Variants in ARRB1 observed in about 807,000 individuals in gnomAD.
ARRB1 encodes the protein arrestin beta 1.
Under a neutral mutation model 56.8 loss-of-function variants are expected in ARRB1, and 21 were observed. The observed-to-expected ratio is 0.37, with a 90% CI of 0.26 to 0.53. The LOEUF (loss-of-function observed/expected upper bound fraction) is 0.53. ARRB1 is among the 20% of genes least tolerant of loss of function. The pLI is 0.88. For missense variants in ARRB1, 424 were observed against 553.7 expected (o/e 0.77, Z 2.35); for synonymous variants, 210 against 218.6 (o/e 0.96, Z 0.35).
intron 1 of ARRB1, among the ~76,000 whole-genome samples, chr11:75,325,663 C>T (rs1947419720): frequency 6.6e-6 from 1 of 152,210 alleles, no homozygotes; most frequent in Non-Finnish European, 1.5e-5. Flanking sequence ...AGGCATGACA[C>T]TTTAAGCCCA....
Position 75,267,156 on chromosome 11 carries a change from G to T in ARRB1, c.1145+496C>A, listed in dbSNP as rs757030984. ...AAGAAAGCCACTTGGACCTGGAGGC[G>T]GTCCGCGCAGTCGGCCCAGGTCCTC... On this transcript the variant is annotated intron_variant, in intron 15 of 15. Transcript: ENST00000420843. Among the ~76,000 whole-genome samples, 49 of 152,208 alleles carry T rather than the reference G, an allele frequency of 3.2e-4. 1 individual carries two copies. Among genetic ancestry groups the T allele is most frequent in the Non-Finnish European group, 1.5e-5 (1 of 68,040 alleles).
At chr11:75,307,551 G>A (rs1054084849) in intron 1 of ARRB1, among the ~76,000 whole-genome samples, 1 of 152,140 alleles carries the variant, frequency 6.6e-6, no homozygotes, top group African/African-American at 2.4e-5. Context: ...GAGTGTCCTG[G>A]AGGACAGGGC....
rs1946567959 is a variant in ARRB1, at chr11:75,290,027, C to T, written c.33G>A (p.Lys11=). 1 of 1,614,114 alleles carries T rather than the reference C, an allele frequency of 6.2e-7. No individual in the cohort carries two copies. The highest frequency in any genetic ancestry group is 1.1e-5 in the South Asian group (1 of 91,090). ...GACTCACCTTTCCATTTGGACTGGC[C>T]TTCTTGAACACTCTGTGGAGAGAAA... The part of the protein sequence containing the change: MGDKGTRVFK[K]ASPNGKLTVY... Residue 11 remains lysine (K), a synonymous_variant, in exon 2 of 16, where the codon AAG becomes AAA. Transcript: ENST00000420843.
At chr11:75,348,189 C>A (rs1004127406) in intron 1 of ARRB1, among the ~76,000 whole-genome samples, 2 of 152,228 alleles carry the variant, frequency 1.3e-5, no homozygotes, top group Non-Finnish European at 2.9e-5. Context: ...GCCCAGGCCC[C>A]AGGCTGCACG....
intron 1 of ARRB1, among the ~76,000 whole-genome samples, chr11:75,350,450 G>A (rs1402940212): frequency 6.6e-6 from 1 of 152,216 alleles, no homozygotes; most frequent in Non-Finnish European, 1.5e-5. Context: ...GGAGCCCAGG[G>A]AGAGGCTGCT....
chr11:75,319,190 G>A (rs985551948), intron 1 of ARRB1, among the ~76,000 whole-genome samples: 29 of 152,036 alleles, frequency 1.9e-4, no homozygotes, highest in African/African-American at 5.3e-4. Context: ...TAACCTGCTC[G>A]CCCAGGGGAG....
intron 3 of ARRB1, among the ~76,000 whole-genome samples, chr11:75,285,568 G>A (rs780341247): frequency 7.9e-5 from 12 of 152,206 alleles, no homozygotes; most frequent in Non-Finnish European, 1.5e-4. Flanking sequence ...TGCAGGTTTG[G>A]TGGGGAACCG....
chr11:75,337,672 T>C (rs1244127723), intron 1 of ARRB1, among the ~76,000 whole-genome samples: 1 of 151,170 alleles, frequency 6.6e-6, no homozygotes, highest in African/African-American at 2.4e-5. Context: ...TGCACAGTGC[T>C]AAGGGAGCCT....
intron 1 of ARRB1, among the ~76,000 whole-genome samples, chr11:75,329,687 C>T (rs1034850898): frequency 4.6e-5 from 7 of 152,128 alleles, no homozygotes; most frequent in East Asian, 1.9e-4. Context: ...CATGTGGGGA[C>T]GAACAGTCAC....
At chr11:75,340,022 A>G (rs1305364285) in intron 1 of ARRB1, among the ~76,000 whole-genome samples, 1 of 152,236 alleles carries the variant, frequency 6.6e-6, no homozygotes, top group Non-Finnish European at 1.5e-5. Context: ...GAGCTGCTCC[A>G]TAAATCCCCT....
At chr11:75,310,200 A>G (rs1003853856) in intron 1 of ARRB1, among the ~76,000 whole-genome samples, 6 of 152,176 alleles carry the variant, frequency 3.9e-5, no homozygotes, top group East Asian at 1.9e-4. Flanking sequence ...ATGTTTGGAC[A>G]TGGCATCTTA....
intron 15 of ARRB1, among the ~76,000 whole-genome samples, chr11:75,266,971 C>T (rs1178735994): frequency 1.3e-5 from 2 of 152,152 alleles, no homozygotes; most frequent in Admixed American, 6.5e-5. Context: ...TTCCCTTCTA[C>T]CATGAAACAT....
intron 10 of ARRB1, 127 bp downstream of exon 10, chr11:75,276,712 A>G: frequency 1.2e-6 from 1 of 827,368 alleles, no homozygotes; most frequent in Non-Finnish European, 1.9e-6. Context: ...TCTGAGTGGC[A>G]AGGAAGTCTG....
chr11:75,268,778 C>A (rs945948593), intron 14 of ARRB1, 111 bp downstream of exon 14: 5 of 1,178,474 alleles, frequency 4.2e-6, no homozygotes, highest in Middle Eastern at 2.3e-4. Context: ...GATCTGGGGA[C>A]CCGAGAAAAG....
At position 75,281,060 on chromosome 11, in the gene ARRB1, T is replaced by C. The variant is rs778530946; in HGVS notation, c.482+15A>G. On this transcript the variant is annotated intron_variant, in intron 7 of 15. Coordinates refer to ENST00000420843, the MANE Select transcript of ARRB1 (RefSeq NM_004041.5). ...CTCACCCAGCAGGCGGCCCACACCC[T>C]GGCATCCTACTCACCGCTTGTGGAT... 6 of 1,596,642 alleles carry C rather than the reference T, an allele frequency of 3.8e-6. No homozygotes were observed. The African/African-American group carries it at 5.4e-5, about 14-fold the overall frequency.
chr11:75,349,176 A>G (rs1947812447), intron 1 of ARRB1, among the ~76,000 whole-genome samples: 1 of 152,194 alleles, frequency 6.6e-6, no homozygotes. Flanking sequence ...GAAAGGCCTC[A>G]TGGGGCTGCA....
intron 1 of ARRB1, among the ~76,000 whole-genome samples, chr11:75,334,191 G>C (rs945836658): frequency 6.6e-6 from 1 of 151,738 alleles, no homozygotes; most frequent in Non-Finnish European, 1.5e-5. Flanking sequence ...TTAGCTGGGC[G>C]TGGTGGCATG....
intron 1 of ARRB1, among the ~76,000 whole-genome samples, chr11:75,318,139 A>G (rs928505722): frequency 7.0e-6 from 1 of 142,434 alleles, no homozygotes; most frequent in Admixed American, 7.4e-5. Context: ...GGGAATAAGC[A>G]TTTCTAACTT....
At chr11:75,267,727 G>T in intron 14 of ARRB1, 24 bp from the exon 15 acceptor site, 22 of 1,231,316 alleles carry the variant, frequency 1.8e-5, no homozygotes, top group South Asian at 2.4e-5. Context: ...GGGTGGGCAG[G>T]GTGTCCAGGG....
Sources: allele counts gnomAD v4.1 joint callset (sites outside exome capture counted in the v4.1 genomes callset), GRCh38; gene constraint gnomAD v4.1.1; transcripts MANE v1.5; gene names NCBI Gene and HGNC (gene_info 2026-07-23, HGNC 2026-07-21).